Variants in ATP7A observed in about 807,000 individuals in gnomAD.
ATP7A encodes the protein ATPase copper transporting alpha, also known as copper-transporting ATPase 1.
In ATP7A, 7 loss-of-function variants were observed where a neutral mutation model predicts 83.5. The ratio of observed to expected loss-of-function variants is 0.08; its 90% confidence interval spans 0.05 to 0.16. ATP7A has a LOEUF of 0.16. ATP7A is among the 10% of genes least tolerant of loss of function. The probability of loss-of-function intolerance (pLI) is 1.00; values close to 1 mark genes in which losing one functional copy is unlikely to be tolerated. For synonymous variants in ATP7A, 354 were observed against 395.2 expected (o/e 0.90, Z 1.24); for missense variants, 940 against 1,120.8 (o/e 0.84, Z 2.30).
At chrX:77,970,891 C>A (rs782376382) in intron 1 of ATP7A, among the ~76,000 whole-genome samples, 3 of 111,173 alleles carry the variant, frequency 2.7e-5, no homozygotes, top group African/African-American at 6.5e-5. Flanking sequence ...GAAGGTGGTA[C>A]GTTCTATGAA....
At chrX:77,937,619 A>G (rs1236291499) in intron 1 of ATP7A, among the ~76,000 whole-genome samples, 1 of 111,620 alleles carries the variant, frequency 9.0e-6, no homozygotes, top group African/African-American at 3.3e-5. Flanking sequence ...CATGGAATAT[A>G]CTCCTTGATT....
chrX:78,006,750 A>G (rs988245680), intron 6 of ATP7A, among the ~76,000 whole-genome samples: 1 of 112,101 alleles, frequency 8.9e-6, no homozygotes, highest in Non-Finnish European at 1.9e-5. Context: ...GAATAATATA[A>G]TATGTGGTCC....
At chrX:77,913,189 A>G (rs1557222112) in intron 1 of ATP7A, among the ~76,000 whole-genome samples, 1 of 112,301 alleles carries the variant, frequency 8.9e-6, no homozygotes, top group Non-Finnish European at 1.9e-5. Flanking sequence ...GGACATCCTG[A>G]TGAGTGAAAA....
intron 1 of ATP7A, among the ~76,000 whole-genome samples, chrX:77,927,745 C>T (rs2077249663): frequency 9.0e-6 from 1 of 111,076 alleles, no homozygotes. Flanking sequence ...ATTAACTCGT[C>T]ATTTACATTA....
At chrX:77,987,666 G>A (rs1265256007) in intron 2 of ATP7A, among the ~76,000 whole-genome samples, 8 of 110,959 alleles carry the variant, frequency 7.2e-5, no homozygotes, top group Non-Finnish European at 1.5e-4. Flanking sequence ...GACTTAGGGG[G>A]ATATAGGAGT....
intron 11 of ATP7A, among the ~76,000 whole-genome samples, chrX:78,015,552 G>C (rs1164075134): frequency 7.2e-5 from 8 of 111,605 alleles, no homozygotes; most frequent in Non-Finnish European, 1.5e-4. Context: ...AAAAAATAGA[G>C]TGCCTACTTT....
chrX:77,923,414 G>C (rs1393461150), intron 1 of ATP7A: 1 of 110,899 alleles, frequency 9.0e-6, no homozygotes, highest in Non-Finnish European at 1.9e-5. Flanking sequence ...ATGATATTAA[G>C]CTTTTCAGAT....
chrX:78,015,674 C>T (rs782141643), intron 11 of ATP7A, 80 bp from the exon 12 acceptor site: 19 of 1,152,828 alleles, frequency 1.6e-5, no homozygotes, highest in East Asian at 6.0e-5. Context: ...ACAAGCTTGA[C>T]GTGAACTAAA....
chrX:77,976,876 AT>A (rs782337183), intron 2 of ATP7A, among the ~76,000 whole-genome samples: 10 of 108,440 alleles, frequency 9.2e-5, no homozygotes, highest in East Asian at 2.9e-4. Context: ...CCAAAGGTAG[AT>A]TTTTTTTTTC....
In ATP7A at chrX:77,949,128, C is replaced by G. The variant is rs185558511; in HGVS notation, c.-21-22493C>G. 7.2e-5 allele frequency among the ~76,000 whole-genome samples: 8 copies of G among 111,403 alleles called. No homozygotes were observed. In the East Asian group the frequency reaches 2.0e-3, roughly 28 times the overall value. ...CTGGTTTCGAACTCCTGAGCTCAGG[C>G]AGTCTGCCACCTTGGCCTCCCAAAA... On this transcript the variant is annotated intron_variant, in intron 1 of 22. Transcript: ENST00000341514.
chrX:77,981,257 C>T (rs2077604083), intron 2 of ATP7A, among the ~76,000 whole-genome samples: 1 of 111,072 alleles, frequency 9.0e-6, no homozygotes, highest in Non-Finnish European at 1.9e-5. Context: ...GTAACATAGG[C>T]ATTTTTATTA....
chrX:78,045,700 C>T lies in ATP7A; in HGVS notation c.4226+128C>T, dbSNP rs1569550365. The T allele has an allele frequency of 8.6e-6, 6 of 700,830 alleles. No homozygotes were observed. The Admixed American group carries it at 1.1e-4, about 12-fold the overall frequency. The allele number at this position is 700,830 out of a possible 1,213,427, so 57.8% of individuals were successfully genotyped here. Reference sequence around the variant, plus strand: ...CATTCTTAATGAGAATTATTATTAGCGGCCGGGCGTGGTGGCTCACACCTG... The same window carrying T: ...CATTCTTAATGAGAATTATTATTAGTGGCCGGGCGTGGTGGCTCACACCTG... On this transcript the variant is annotated intron_variant, in intron 22 of 22. Transcript: ENST00000341514.
intron 22 of ATP7A, 136 bp from the exon 23 acceptor site, chrX:78,046,158 C>A: frequency 1.4e-6 from 1 of 714,936 alleles, no homozygotes; most frequent in Non-Finnish European, 2.1e-6. Flanking sequence ...AAGCTATTTT[C>A]CTACCAGTGA....
chrX:77,961,402 A>G (rs2077473807), intron 1 of ATP7A, among the ~76,000 whole-genome samples: 1 of 111,761 alleles, frequency 8.9e-6, no homozygotes, highest in Non-Finnish European at 1.9e-5. Flanking sequence ...TTCACCTACC[A>G]AAGGTATTGT....
At chrX:77,919,863 T>C (rs1424877074) in intron 1 of ATP7A, among the ~76,000 whole-genome samples, 2 of 112,325 alleles carry the variant, frequency 1.8e-5, no homozygotes, top group Non-Finnish European at 3.8e-5. Flanking sequence ...ATCACTGTTA[T>C]GCATTTCCAG....
intron 1 of ATP7A, among the ~76,000 whole-genome samples, chrX:77,967,546 GTCT>G (rs1490817707): frequency 8.9e-6 from 1 of 111,970 alleles, no homozygotes; most frequent in Non-Finnish European, 1.9e-5. Context: ...CCGCATAAAT[GTCT>G]TCTTTTGAGA....
At chrX:77,988,863 C>A in intron 3 of ATP7A, 132 bp downstream of exon 3, 1 of 858,697 alleles carries the variant, frequency 1.2e-6, no homozygotes, top group Non-Finnish European at 1.7e-6. Context: ...TGAGGTACAG[C>A]ATATTCCCAG....
chrX:78,046,243 T>C, intron 22 of ATP7A, 51 bp from the exon 23 acceptor site: 1 of 1,173,428 alleles, frequency 8.5e-7, no homozygotes, highest in Non-Finnish European at 1.2e-6. Flanking sequence ...GTAGCGAGCA[T>C]CTCATTTACT....
intron 1 of ATP7A, among the ~76,000 whole-genome samples, chrX:77,941,908 T>G (rs1465575661): frequency 1.8e-5 from 2 of 112,269 alleles, no homozygotes; most frequent in African/African-American, 3.2e-5. Flanking sequence ...ATTAAGTATA[T>G]CACACTAACA....
Sources: allele counts gnomAD v4.1 joint callset (sites outside exome capture counted in the v4.1 genomes callset), GRCh38; gene constraint gnomAD v4.1.1; transcripts MANE v1.5; gene names NCBI Gene and HGNC (gene_info 2026-07-23, HGNC 2026-07-21).